Variants in EYS observed in about 807,000 individuals in gnomAD.
EYS encodes the protein protein eyes shut homolog.
In EYS, 250 loss-of-function variants were observed where a neutral mutation model predicts 282.1. The ratio of observed to expected loss-of-function variants is 0.89; its 90% CI spans 0.80 to 0.98. EYS has a LOEUF of 0.98. Ranked by LOEUF, EYS falls within the 50% of genes least tolerant of loss-of-function variation. EYS has a pLI of 0.00. For missense variants in EYS, 4,016 were observed against 3,709.0 expected (o/e 1.08, Z -2.15); for synonymous variants, 1,355 against 1,282.9 (o/e 1.06, Z -1.20).
At chr6:65,501,909 T>C (rs1463892116) in intron 2 of EYS, among the ~76,000 whole-genome samples, 1 of 151,692 alleles carries the variant, frequency 6.6e-6, no homozygotes, top group Non-Finnish European at 1.5e-5. Flanking sequence ...ACCAACAGCA[T>C]TATTTGCTTT....
At chr6:65,621,589 T>C (rs1766497252) in intron 2 of EYS, among the ~76,000 whole-genome samples, 1 of 151,660 alleles carries the variant, frequency 6.6e-6, no homozygotes, top group African/African-American at 2.4e-5. Context: ...AATTTGATCC[T>C]GTCATTATGA....
chr6:63,848,117 C>T (rs181840794), intron 36 of EYS, among the ~76,000 whole-genome samples: 1 of 152,166 alleles, frequency 6.6e-6, no homozygotes, highest in East Asian at 1.9e-4. Context: ...AGAATGCCCA[C>T]CATAAATGAA....
intron 8 of EYS, among the ~76,000 whole-genome samples, chr6:65,362,971 G>A (rs190123622): frequency 2.0e-4 from 30 of 152,166 alleles, no homozygotes; most frequent in African/African-American, 6.5e-4. Flanking sequence ...AAAGCAAGCA[G>A]TCTCAAAGAA....
At chr6:65,525,510 C>A (rs2127301737) in intron 2 of EYS, among the ~76,000 whole-genome samples, 1 of 152,252 alleles carries the variant, frequency 6.6e-6, no homozygotes, top group Non-Finnish European at 1.5e-5. Context: ...TTCCCCTCGC[C>A]CACCATCAAT....
intron 21 of EYS, among the ~76,000 whole-genome samples, chr6:64,821,184 A>C (rs1398818800): frequency 6.6e-6 from 1 of 152,018 alleles, no homozygotes; most frequent in Non-Finnish European, 1.5e-5. Context: ...TATCCTGAGA[A>C]TATTAAAGGT....
intron 28 of EYS, among the ~76,000 whole-genome samples, chr6:64,404,864 T>G (rs1216041543): frequency 6.6e-6 from 1 of 152,100 alleles, no homozygotes; most frequent in Non-Finnish European, 1.5e-5. Context: ...AGGCATGAGT[T>G]GAAATAAATC....
intron 11 of EYS, among the ~76,000 whole-genome samples, chr6:65,298,002 A>G (rs1212885502): frequency 6.6e-6 from 1 of 152,056 alleles, no homozygotes; most frequent in Non-Finnish European, 1.5e-5. Flanking sequence ...TGCCTCTACT[A>G]TGCAAGCTTT....
chr6:64,018,762 T>TC, intron 33 of EYS, among the ~76,000 whole-genome samples: 2 of 101,438 alleles, frequency 2.0e-5, no homozygotes, highest in African/African-American at 4.9e-5. Flanking sequence ...CACAAGTGTT[T>TC]TTTTTTTTTT....
chr6:64,498,495 G>A (rs1215209886), intron 26 of EYS, among the ~76,000 whole-genome samples: 3 of 151,196 alleles, frequency 2.0e-5, no homozygotes, highest in Non-Finnish European at 2.9e-5. Flanking sequence ...TGGGATACAT[G>A]TGCAGAACAT....
At chr6:65,340,851 A>T (rs368430840) in intron 10 of EYS, among the ~76,000 whole-genome samples, 3 of 151,114 alleles carry the variant, frequency 2.0e-5, no homozygotes, top group Admixed American at 6.6e-5. Flanking sequence ...AAGTTTCACA[A>T]AATCTCATTA....
intron 26 of EYS, among the ~76,000 whole-genome samples, chr6:64,575,849 C>T (rs936997793): frequency 6.6e-6 from 1 of 152,006 alleles, no homozygotes; most frequent in Admixed American, 6.6e-5. Context: ...AATTTAAAAA[C>T]TGAAAATTTG....
chr6:64,965,953 A>AGTGT (rs35672727), intron 14 of EYS, among the ~76,000 whole-genome samples: 6 of 147,620 alleles, frequency 4.1e-5, no homozygotes, highest in African/African-American at 1.5e-4. Flanking sequence ...GAAAATTGTG[A>AGTGT]GTGTGTGTGT....
At chr6:64,122,076 T>C (rs1773609199) in intron 31 of EYS, among the ~76,000 whole-genome samples, 1 of 152,168 alleles carries the variant, frequency 6.6e-6, no homozygotes. Context: ...AGTTATTTAA[T>C]AAATATATTA....
intron 35 of EYS, among the ~76,000 whole-genome samples, chr6:63,897,801 A>T (rs991017504): frequency 6.6e-6 from 1 of 152,186 alleles, no homozygotes; most frequent in Non-Finnish European, 1.5e-5. Context: ...TAGAGTTTAT[A>T]TGACAGGTTG....
chr6:64,501,633 C>T (rs1476318448), intron 26 of EYS, among the ~76,000 whole-genome samples: 2 of 152,070 alleles, frequency 1.3e-5, no homozygotes, highest in Non-Finnish European at 2.9e-5. Flanking sequence ...CTTCAAGCTG[C>T]TACTCGGAAA....
chr6:63,927,722 A>G (rs76692368), intron 35 of EYS, among the ~76,000 whole-genome samples: 3,780 of 152,342 alleles, frequency 0.025, 67 homozygotes, highest in Non-Finnish European at 0.042. Context: ...GGCTCAAGAG[A>G]TCGTTAAGCA....
At chr6:65,414,962 C>T (rs927496052) in intron 5 of EYS, among the ~76,000 whole-genome samples, 5 of 151,714 alleles carry the variant, frequency 3.3e-5, no homozygotes, top group Admixed American at 6.6e-5. Flanking sequence ...GGGAAGGTAC[C>T]TGAAAAGTTA....
chr6:65,570,570 G>A (rs1009445799), intron 2 of EYS, among the ~76,000 whole-genome samples: 1 of 152,030 alleles, frequency 6.6e-6, no homozygotes, highest in African/African-American at 2.4e-5. Flanking sequence ...GCTTGAACTG[G>A]GGGTGAGAAC....
intron 30 of EYS, among the ~76,000 whole-genome samples, chr6:64,289,385 T>C (rs1768618250): frequency 6.6e-6 from 1 of 152,024 alleles, no homozygotes; most frequent in Non-Finnish European, 1.5e-5. Flanking sequence ...ACCCTTGCTT[T>C]TGCTTCGTTT....
Sources: allele counts gnomAD v4.1 joint callset (sites outside exome capture counted in the v4.1 genomes callset), GRCh38; gene constraint gnomAD v4.1.1; transcripts MANE v1.5; gene names NCBI Gene and HGNC (gene_info 2026-07-23, HGNC 2026-07-21).